Variants in CNTNAP5 observed in about 807,000 individuals in gnomAD.
CNTNAP5 encodes contactin associated protein family member 5, also known as contactin-associated protein-like 5.
CNTNAP5 carries 72 observed loss-of-function variants against 150.2 expected under a neutral mutation model. That is an observed-to-expected ratio of 0.48 (90% CI 0.40 to 0.58). CNTNAP5 has a LOEUF of 0.58. Among genes scored for constraint, CNTNAP5 ranks in the 20% least tolerant of loss-of-function variants. The pLI is 0.00. For synonymous variants in CNTNAP5, 672 were observed against 619.8 expected, an observed-to-expected ratio of 1.08 and a Z score of -1.25; for missense variants, 1,636 against 1,626.2, an observed-to-expected ratio of 1.01 and a Z score of -0.10.
chr2:124,764,804 A>G (rs1313121386), intron 16 of CNTNAP5, among the ~76,000 whole-genome samples: 2 of 152,192 alleles, frequency 1.3e-5, no homozygotes, highest in Non-Finnish European at 2.9e-5. Context: ...TAATGAAACA[A>G]TATTCCAATA....
At chr2:124,831,739 T>C (rs1465781990) in intron 19 of CNTNAP5, among the ~76,000 whole-genome samples, 1 of 151,352 alleles carries the variant, frequency 6.6e-6, no homozygotes, top group Non-Finnish European at 1.5e-5. Flanking sequence ...TGAATGATTA[T>C]CTATTATTTA....
chr2:124,195,056 A>AC (rs1685551956), intron 1 of CNTNAP5, among the ~76,000 whole-genome samples: 1 of 151,516 alleles, frequency 6.6e-6, no homozygotes. Context: ...TAAAAAAAAA[A>AC]CTCAAAAAGC....
chr2:124,409,014 G>T (rs1691672894), intron 3 of CNTNAP5, among the ~76,000 whole-genome samples: 1 of 138,694 alleles, frequency 7.2e-6, no homozygotes, highest in African/African-American at 2.7e-5. Flanking sequence ...TGTATAACTA[G>T]AATAACCAAT....
At position 124,741,742 on chromosome 2, in the gene CNTNAP5, G is replaced by A. The variant is rs541046277; in HGVS notation, c.2078-5487G>A. Among the ~76,000 whole-genome samples, 4 of 152,166 alleles carry A rather than the reference G, an allele frequency of 2.6e-5. No homozygotes were observed. In the East Asian group the frequency reaches 7.8e-4, roughly 30 times the overall value. On this transcript the variant is annotated intron_variant, in intron 13 of 23. Coordinates refer to ENST00000682447, the MANE Select transcript of CNTNAP5 (RefSeq NM_001367498.1). Reference sequence around the variant, plus strand: ...TGGAATGATTTAAATTCAAGTATAGGAGTCTATATAGGCTGAAATCTCTGA... The same window carrying A: ...TGGAATGATTTAAATTCAAGTATAGAAGTCTATATAGGCTGAAATCTCTGA...
rs557408715 is a variant in CNTNAP5, at chr2:124,856,577, C to T, written c.3218-8729C>T. 1.8e-4 allele frequency among the ~76,000 whole-genome samples: 27 copies of T among 152,216 alleles called. No homozygotes were observed. The South Asian group carries it at 5.6e-3, about 32-fold the overall frequency. The stretch of plus-strand genomic sequence containing the variant: ...CGCAATGTTGTTTTAACTTGCATTT[C>T]CCTGATCATGAGTGATGTTGAGCAT... On this transcript the variant is annotated intron_variant, in intron 19 of 23. Coordinates refer to ENST00000682447, the MANE Select transcript of CNTNAP5 (RefSeq NM_001367498.1).
At chr2:124,338,518 G>A (rs1378526214) in intron 3 of CNTNAP5, among the ~76,000 whole-genome samples, 1 of 152,072 alleles carries the variant, frequency 6.6e-6, no homozygotes, top group Non-Finnish European at 1.5e-5. Flanking sequence ...CTAATGCCAG[G>A]AGCTGGCCTC....
At chr2:124,415,858 C>T (rs1369996606) in intron 3 of CNTNAP5, among the ~76,000 whole-genome samples, 1 of 151,868 alleles carries the variant, frequency 6.6e-6, no homozygotes, top group Non-Finnish European at 1.5e-5. Context: ...TATATTTACT[C>T]CAATTAAAAA....
intron 19 of CNTNAP5, among the ~76,000 whole-genome samples, chr2:124,851,673 G>A (rs1683159522): frequency 6.6e-6 from 1 of 152,132 alleles, no homozygotes; most frequent in African/African-American, 2.4e-5. Flanking sequence ...ATGGAGACAA[G>A]ATTATTAGCT....
chr2:124,554,452 A>C (rs1695706606), intron 10 of CNTNAP5, among the ~76,000 whole-genome samples: 1 of 130,730 alleles, frequency 7.6e-6, no homozygotes, highest in Non-Finnish European at 1.6e-5. Context: ...ACAGGGTCTT[A>C]CATTGTCACC....
chr2:124,828,527 A>G (rs1415869633), intron 19 of CNTNAP5, among the ~76,000 whole-genome samples: 2 of 151,992 alleles, frequency 1.3e-5, no homozygotes, highest in African/African-American at 2.4e-5. Flanking sequence ...TTAAGGATGA[A>G]TGCACAGAAT....
chr2:124,756,820 G>A (rs1439510850), intron 14 of CNTNAP5, among the ~76,000 whole-genome samples: 2 of 152,058 alleles, frequency 1.3e-5, no homozygotes, highest in Admixed American at 1.3e-4. Flanking sequence ...ACTGGATGCT[G>A]GGCTTAAAAA....
chr2:124,353,492 G>C (rs918913916), intron 3 of CNTNAP5, among the ~76,000 whole-genome samples: 2 of 152,096 alleles, frequency 1.3e-5, no homozygotes, highest in African/African-American at 4.8e-5. Context: ...CCTGGAAGTA[G>C]CATGCTCTTG....
At chr2:124,531,566 T>TG (rs1695110227) in intron 10 of CNTNAP5, among the ~76,000 whole-genome samples, 1 of 152,176 alleles carries the variant, frequency 6.6e-6, no homozygotes, top group African/African-American at 2.4e-5. Flanking sequence ...TATGATGCTG[T>TG]AAAAGCTCTA....
intron 3 of CNTNAP5, among the ~76,000 whole-genome samples, chr2:124,353,140 G>GCACA (rs1350312567): frequency 6.6e-6 from 1 of 152,062 alleles, no homozygotes; most frequent in Non-Finnish European, 1.5e-5. Context: ...GACAAAGGAA[G>GCACA]CACATTTTCA....
rs183404481 is a variant in CNTNAP5 at position 124,095,281 on chromosome 2, G to A, written c.82+69549G>A. On this transcript the variant is annotated intron_variant, in intron 1 of 23. Transcript: ENST00000682447. ...GCACTGCATGTTCTCAGTCATAAGCGGGAGTTGAACAACGAGAACACATGG... is the reference window on the plus strand; with the variant it reads ...GCACTGCATGTTCTCAGTCATAAGCAGGAGTTGAACAACGAGAACACATGG... Among the ~76,000 whole-genome samples the A allele has an allele frequency of 5.7e-4, 87 of 152,260 alleles. No individual in the cohort carries two copies. The East Asian group carries it at 0.015, about 27-fold the overall frequency.
At chr2:124,667,518 A>G (rs1678725316) in intron 13 of CNTNAP5, among the ~76,000 whole-genome samples, 1 of 152,222 alleles carries the variant, frequency 6.6e-6, no homozygotes, top group Non-Finnish European at 1.5e-5. Context: ...GTCATTCATC[A>G]GTACCGTTGG....
chr2:124,546,652 G>T (rs901941937), intron 10 of CNTNAP5, among the ~76,000 whole-genome samples: 2 of 152,186 alleles, frequency 1.3e-5, no homozygotes, highest in African/African-American at 2.4e-5. Flanking sequence ...TACCATTAAA[G>T]AGAACTCAGG....
At position 124,651,840 on chromosome 2, in the gene CNTNAP5, G is replaced by A. The variant is rs535396457; in HGVS notation, c.2077+3882G>A. Among the ~76,000 whole-genome samples the A allele has an allele frequency of 6.6e-5, 10 of 152,240 alleles. No homozygotes were observed. The South Asian group carries it at 1.9e-3, about 28-fold the overall frequency. On this transcript the variant is annotated intron_variant, in intron 13 of 23. Coordinates refer to ENST00000682447, the MANE Select transcript of CNTNAP5 (RefSeq NM_001367498.1). ...GCATCAGAGGGTTTGCATCATCCTGGCCTAGACTCATCACCTTCCATGGCT... is the reference window on the plus strand; with the variant it reads ...GCATCAGAGGGTTTGCATCATCCTGACCTAGACTCATCACCTTCCATGGCT...
intron 21 of CNTNAP5, among the ~76,000 whole-genome samples, chr2:124,883,072 T>C (rs1376071206): frequency 1.1e-4 from 3 of 27,214 alleles, no homozygotes; most frequent in Non-Finnish European, 2.0e-4. Flanking sequence ...TCCATTCTCT[T>C]TTTTTTTTTT....
Sources: gnomAD v4.1 joint callset for allele counts (sites outside exome capture counted in the v4.1 genomes callset) on GRCh38, gnomAD v4.1.1 for gene constraint, MANE v1.5 for transcripts, NCBI Gene and HGNC (gene_info 2026-07-23, HGNC 2026-07-21) for gene names.